CACNG2: variants seen among roughly 807,000 people sequenced by gnomAD.
CACNG2 encodes the protein calcium voltage-gated channel auxiliary subunit gamma 2.
CACNG2 carries 3 observed loss-of-function variants against 25.9 expected under a neutral mutation model. That is an observed-to-expected ratio of 0.12 (90% CI 0.05 to 0.30). The LOEUF (loss-of-function observed/expected upper bound fraction) is 0.30, where lower values mean the gene tolerates loss of function less well. Among genes scored for constraint, CACNG2 ranks in the 10% least tolerant of loss-of-function variants. CACNG2 has a pLI of 1.00. For missense variants in CACNG2, 341 were observed against 432.5 expected (o/e 0.79, Z 1.88); for synonymous variants, 167 against 173.3 (o/e 0.96, Z 0.29).
chr22:36,608,415 C>G (rs562505433), intron 1 of CACNG2, among the ~76,000 whole-genome samples: 5 of 152,186 alleles, frequency 3.3e-5, no homozygotes, highest in African/African-American at 4.8e-5. Context: ...ATTTTCCTAA[C>G]GGAATTGCAT....
chr22:36,657,026 G>A (rs551546247), intron 1 of CACNG2, among the ~76,000 whole-genome samples: 28 of 152,174 alleles, frequency 1.8e-4, no homozygotes, highest in Non-Finnish European at 2.1e-4. Flanking sequence ...CCCAGTGCCC[G>A]GAAGAGCATC....
At chr22:36,577,323 T>A (rs945545728) in intron 2 of CACNG2, among the ~76,000 whole-genome samples, 2 of 152,140 alleles carry the variant, frequency 1.3e-5, no homozygotes, top group Admixed American at 6.5e-5. Flanking sequence ...TACTAGGTCA[T>A]GAAATCGGTG....
chr22:36,569,185 G>A (rs2145907541), intron 2 of CACNG2, among the ~76,000 whole-genome samples: 1 of 152,280 alleles, frequency 6.6e-6, no homozygotes, highest in African/African-American at 2.4e-5. Flanking sequence ...ATTCGGTGTT[G>A]GGTCTTGAGC....
rs371071439 is a variant in CACNG2, at chr22:36,564,345, C to T, written c.*6G>A. On this transcript the variant is annotated 3_prime_UTR_variant, in exon 4 of 4. Transcript: ENST00000300105. This position sits in a 1 kb window ranked among gnomAD's most constrained non-coding sequence, Gnocchi z 6.7. Reference sequence around the variant, plus strand: ...TCCCGCGGTCTTCTGGCGAGGCCCGCGGTCTTTATACGGGGGTGGTCCGGC... The same window carrying T: ...TCCCGCGGTCTTCTGGCGAGGCCCGTGGTCTTTATACGGGGGTGGTCCGGC... The T allele has an allele frequency of 4.3e-6, 7 of 1,611,690 alleles. No individual in the cohort carries two copies. The highest frequency in any genetic ancestry group is 1.1e-5 in the South Asian group (1 of 90,740).
chr22:36,667,690 G>A (rs959584472), intron 1 of CACNG2, among the ~76,000 whole-genome samples: 3 of 152,190 alleles, frequency 2.0e-5, no homozygotes, highest in Admixed American at 6.5e-5. Context: ...CAAAGAGCCT[G>A]GGGAGGGAAA....
chr22:36,690,114 A>G (rs1034128856), intron 1 of CACNG2, among the ~76,000 whole-genome samples: 7 of 152,232 alleles, frequency 4.6e-5, no homozygotes, highest in Non-Finnish European at 8.8e-5. Flanking sequence ...GTCAAAAGAC[A>G]AAGACTCTAC....
At chr22:36,628,340 A>G (rs1043348938) in intron 1 of CACNG2, among the ~76,000 whole-genome samples, 3 of 152,258 alleles carry the variant, frequency 2.0e-5, no homozygotes, top group African/African-American at 7.2e-5. Context: ...CCAGATGGAT[A>G]TTAGAGAGGG....
intron 2 of CACNG2, chr22:36,585,184 A>C (rs1371972466): frequency 6.6e-6 from 1 of 152,242 alleles, no homozygotes. Flanking sequence ...AATGGGACAT[A>C]GCTCTGCCTT....
chr22:36,619,722 A>T (rs1205495219), intron 1 of CACNG2, among the ~76,000 whole-genome samples: 1 of 152,224 alleles, frequency 6.6e-6, no homozygotes, highest in Non-Finnish European at 1.5e-5. Flanking sequence ...TCAAAGTCTC[A>T]ATTTGTCCAA....
intron 1 of CACNG2, among the ~76,000 whole-genome samples, chr22:36,612,966 C>G (rs529038475): frequency 6.6e-6 from 1 of 152,224 alleles, no homozygotes; most frequent in South Asian, 2.1e-4. Flanking sequence ...CCAGGAGATG[C>G]TAAGAGGAGA....
chr22:36,645,008 G>A (rs1242794202), intron 1 of CACNG2, among the ~76,000 whole-genome samples: 2 of 152,108 alleles, frequency 1.3e-5, no homozygotes, highest in Non-Finnish European at 2.9e-5. Flanking sequence ...CACATAACAA[G>A]ACCAAAGCCT....
At chr22:36,640,967 C>T (rs1484290570) in intron 1 of CACNG2, among the ~76,000 whole-genome samples, 2 of 152,166 alleles carry the variant, frequency 1.3e-5, no homozygotes, top group African/African-American at 2.4e-5. Context: ...ACCAAGGACT[C>T]GCAGGACCTA....
rs975143086 is a variant in CACNG2, at chr22:36,619,348, T to C, written c.212-31800A>G. ...AAAAACATTATCACTAGGTGCAAATTTCTTACGCTCACGCTCACAGCTCTC... is the reference window on the plus strand; with the variant it reads ...AAAAACATTATCACTAGGTGCAAATCTCTTACGCTCACGCTCACAGCTCTC... On this transcript the variant is annotated intron_variant, in intron 1 of 3. Transcript: ENST00000300105. Among the ~76,000 whole-genome samples the C allele has an allele frequency of 3.3e-5, 5 of 152,360 alleles. No individual in the cohort carries two copies. The South Asian group carries it at 8.3e-4, about 25-fold the overall frequency.
chr22:36,566,940 C>T (rs1258398772), intron 2 of CACNG2, among the ~76,000 whole-genome samples: 1 of 152,238 alleles, frequency 6.6e-6, no homozygotes, highest in African/African-American at 2.4e-5. Context: ...CTCGAAGTCC[C>T]CTCTTCTGTA....
chr22:36,694,420 C>T (rs1937306582), intron 1 of CACNG2, among the ~76,000 whole-genome samples: 1 of 152,130 alleles, frequency 6.6e-6, no homozygotes, highest in Admixed American at 6.5e-5. Context: ...CGCAGCTCAC[C>T]AGCAATCCCA....
At chr22:36,581,816 A>G (rs1469152170) in intron 2 of CACNG2, among the ~76,000 whole-genome samples, 2 of 151,662 alleles carry the variant, frequency 1.3e-5, no homozygotes, top group Non-Finnish European at 2.9e-5. Context: ...TCTGGCCAGG[A>G]CCTCTCCTGT....
intron 1 of CACNG2, among the ~76,000 whole-genome samples, chr22:36,636,947 A>G (rs1419818558): frequency 6.6e-6 from 1 of 152,222 alleles, no homozygotes; most frequent in Non-Finnish European, 1.5e-5. Flanking sequence ...TCCATACTTG[A>G]TCCCTCCAGA....
At chr22:36,589,829 C>G (rs1261134743) in intron 1 of CACNG2, among the ~76,000 whole-genome samples, 3 of 152,114 alleles carry the variant, frequency 2.0e-5, no homozygotes, top group Non-Finnish European at 2.9e-5. Context: ...AACCATGCAC[C>G]CTTCTCTGTG....
rs1569013715 is a variant in CACNG2, at chr22:36,564,402, G to C, written c.921C>G (p.Asn307Lys). The C allele has an allele frequency of 1.9e-6, 3 of 1,613,900 alleles. No homozygotes were observed. Among genetic ancestry groups the C allele is most frequent in the Non-Finnish European group, 2.5e-6 (3 of 1,179,968 alleles). ...LQVHNCIQKE[N>K]KDSLHSNTAN... Reference sequence around the variant, plus strand: ...CTGTGTTGGAGTGGAGAGAGTCCTTGTTCTCCTTCTGGATACAGTTGTGAA... The same window carrying C: ...CTGTGTTGGAGTGGAGAGAGTCCTTCTTCTCCTTCTGGATACAGTTGTGAA... Residue 307 changes from asparagine (N) to lysine (K), a missense_variant, in exon 4 of 4, where the codon AAC (asparagine) becomes AAG (lysine). Coordinates refer to ENST00000300105, the MANE Select transcript of CACNG2 (RefSeq NM_006078.5). This position sits in a 1 kb window ranked among gnomAD's most constrained non-coding sequence, Gnocchi z 6.7.
Sources: allele counts gnomAD v4.1 joint callset (sites outside exome capture counted in the v4.1 genomes callset), GRCh38; gene constraint gnomAD v4.1.1; non-coding constraint Gnocchi (gnomAD v3.1); transcripts MANE v1.5; gene names NCBI Gene and HGNC (gene_info 2026-07-23, HGNC 2026-07-21).